ADGRB3: variants seen among roughly 807,000 people sequenced by gnomAD.
The protein encoded by ADGRB3 is brain-specific angiogenesis inhibitor 3.
Under a neutral mutation model 193.4 loss-of-function variants are expected in ADGRB3, and 37 were observed. That is an observed-to-expected ratio of 0.19 (90% confidence interval 0.15 to 0.25). ADGRB3 has a LOEUF of 0.25. Among genes scored for constraint, ADGRB3 ranks in the 10% least tolerant of loss-of-function variants. ADGRB3 has a pLI of 1.00. For missense variants in ADGRB3, 1,637 were observed against 1,852.9 expected (o/e 0.88, Z 2.14); for synonymous variants, 690 against 644.2 (o/e 1.07, Z -1.08).
intron 3 of ADGRB3, among the ~76,000 whole-genome samples, chr6:68,805,555 T>G (rs1359150676): frequency 1.3e-5 from 2 of 152,214 alleles, no homozygotes. Context: ...AATTCTGGTA[T>G]TCTTCTGATC....
In ADGRB3 at chr6:69,000,107, A is replaced by G. The variant is rs557352408; in HGVS notation, c.1929+6145A>G. On this transcript the variant is annotated intron_variant, in intron 11 of 31. Transcript: ENST00000370598. ...ATAAAATTTAATCAGACATATTTAA[A>G]ATCAAATTTCAGCCTGTCCAGCTAT... Among the ~76,000 whole-genome samples, 114 of 152,326 alleles carry G rather than the reference A, an allele frequency of 7.5e-4. 1 individual carries two copies. Among genetic ancestry groups the G allele is most frequent in the African/African-American group, 2.6e-3 (110 of 41,584 alleles).
rs866786783 is a variant in ADGRB3 at position 68,974,931 on chromosome 6, T to C, written c.1627+67T>C. 31 of 1,348,316 alleles carry C rather than the reference T, an allele frequency of 2.3e-5. No individual in the cohort carries two copies. The Middle Eastern group carries it at 2.0e-3, about 87-fold the overall frequency. 83.5% of individuals were successfully genotyped at this position (1,348,316 alleles called of 1,614,324 possible). A position where few individuals can be genotyped will look rare whatever the true frequency, so the allele number is the denominator to read the frequency against. ...ATCCAAGAACAGCATGCAGTGTTGG[T>C]TTATGAAGTCATGTTTTTGTCTTAT... is the stretch of plus-strand genomic sequence containing the variant. On this transcript the variant is annotated intron_variant, in intron 9 of 31. Coordinates refer to ENST00000370598, the MANE Select transcript of ADGRB3 (RefSeq NM_001704.3).
chr6:68,744,779 C>T (rs1411881282), intron 3 of ADGRB3, among the ~76,000 whole-genome samples: 2 of 152,018 alleles, frequency 1.3e-5, no homozygotes, highest in Non-Finnish European at 2.9e-5. Flanking sequence ...GGAGAAATGC[C>T]TAATGTAGGT....
chr6:69,149,547 C>A (rs1263880125), intron 17 of ADGRB3, among the ~76,000 whole-genome samples: 2 of 151,998 alleles, frequency 1.3e-5, no homozygotes, highest in African/African-American at 4.8e-5. Context: ...TCCCTGGTGC[C>A]ATATTTACTT....
chr6:69,134,362 G>A (rs2150335379), intron 17 of ADGRB3, among the ~76,000 whole-genome samples: 1 of 152,154 alleles, frequency 6.6e-6, no homozygotes, highest in Admixed American at 6.6e-5. Flanking sequence ...ATCTTTTAGA[G>A]CACTGATTGT....
intron 20 of ADGRB3, among the ~76,000 whole-genome samples, chr6:69,267,560 C>A (rs897158518): frequency 4.0e-5 from 6 of 151,794 alleles, no homozygotes; most frequent in Non-Finnish European, 8.8e-5. Flanking sequence ...TATTAGCAGG[C>A]AATCCCAGTT....
intron 13 of ADGRB3, among the ~76,000 whole-genome samples, chr6:69,021,132 T>G (rs1049425052): frequency 2.6e-5 from 4 of 151,940 alleles, no homozygotes; most frequent in African/African-American, 9.7e-5. Context: ...AACACAGGCA[T>G]GCACTCAGCA....
chr6:68,901,591 A>G (rs1766394993), intron 3 of ADGRB3, among the ~76,000 whole-genome samples: 1 of 152,222 alleles, frequency 6.6e-6, no homozygotes, highest in Non-Finnish European at 1.5e-5. Flanking sequence ...AATTTTAACA[A>G]TTAAAATATT....
intron 17 of ADGRB3, among the ~76,000 whole-genome samples, chr6:69,189,081 A>C (rs1765130034): frequency 6.6e-6 from 1 of 152,250 alleles, no homozygotes; most frequent in Admixed American, 6.5e-5. Flanking sequence ...CAATGAATTT[A>C]ACATCATTTC....
chr6:68,932,049 A>G (rs1197115635), intron 4 of ADGRB3, among the ~76,000 whole-genome samples: 1 of 152,176 alleles, frequency 6.6e-6, no homozygotes, highest in Non-Finnish European at 1.5e-5. Context: ...TCTCCTTTAC[A>G]GGGAGCAAAA....
At chr6:68,718,587 A>T (rs1423294662) in intron 3 of ADGRB3, among the ~76,000 whole-genome samples, 2 of 151,662 alleles carry the variant, frequency 1.3e-5, no homozygotes, top group African/African-American at 2.4e-5. Context: ...ATATTTACTT[A>T]TTGAGGTCAT....
intron 20 of ADGRB3, among the ~76,000 whole-genome samples, chr6:69,256,290 GGGCCGTAT>G (rs1766769069): frequency 6.6e-6 from 1 of 151,976 alleles, no homozygotes; most frequent in Non-Finnish European, 1.5e-5. Context: ...AAATTACCTT[GGGCCGTAT>G]GGCCATTTTC....
At chr6:69,083,800 A>T (rs1481027304) in intron 17 of ADGRB3, among the ~76,000 whole-genome samples, 1 of 133,412 alleles carries the variant, frequency 7.5e-6, no homozygotes, top group East Asian at 2.2e-4. Flanking sequence ...TTTGAGACAG[A>T]GTCTCGCTCT....
chr6:68,918,630 T>A (rs1239540815), intron 3 of ADGRB3, among the ~76,000 whole-genome samples: 1 of 152,180 alleles, frequency 6.6e-6, no homozygotes, highest in African/African-American at 2.4e-5. Context: ...AAATTCAACA[T>A]CCTCTTAATA....
rs554674674 is a variant in ADGRB3 at position 69,198,440 on chromosome 6, G to T, written c.2481-34850G>T. ...GATAACTAGTCTGAAGAAAAAGTAG[G>T]GTGAAAAGATGGAGCGTGGGATGAT... On this transcript the variant is annotated intron_variant, in intron 17 of 31. Coordinates refer to ENST00000370598, the MANE Select transcript of ADGRB3 (RefSeq NM_001704.3). 1.4e-4 allele frequency among the ~76,000 whole-genome samples: 22 copies of T among 152,154 alleles called. No homozygotes were observed. The South Asian group carries it at 4.6e-3, about 32-fold the overall frequency.
chr6:69,032,542 A>T (rs1487906222), intron 13 of ADGRB3, among the ~76,000 whole-genome samples: 3 of 152,208 alleles, frequency 2.0e-5, no homozygotes, highest in Non-Finnish European at 4.4e-5. Flanking sequence ...ATAACCCGTG[A>T]AGAGAAAAGA....
intron 3 of ADGRB3, among the ~76,000 whole-genome samples, chr6:68,798,590 G>A (rs1417798915): frequency 9.2e-5 from 14 of 152,094 alleles, no homozygotes; most frequent in Admixed American, 9.2e-4. Flanking sequence ...GTAGGTGACA[G>A]GTTGATGGGT....
At chr6:69,144,498 G>T (rs1177735284) in intron 17 of ADGRB3, among the ~76,000 whole-genome samples, 2 of 152,096 alleles carry the variant, frequency 1.3e-5, no homozygotes, top group African/African-American at 4.8e-5. Context: ...GATCTTAGAA[G>T]GAAGGCTTTT....
intron 3 of ADGRB3, among the ~76,000 whole-genome samples, chr6:68,760,697 C>T (rs2127351035): frequency 6.6e-6 from 1 of 152,226 alleles, no homozygotes; most frequent in South Asian, 2.1e-4. Flanking sequence ...GGACTGCCTC[C>T]ATTTTAGTAT....
Sources: allele counts gnomAD v4.1 joint callset (sites outside exome capture counted in the v4.1 genomes callset), GRCh38; gene constraint gnomAD v4.1.1; transcripts MANE v1.5; gene names NCBI Gene and HGNC (gene_info 2026-07-23, HGNC 2026-07-21).